CDH10: variants seen among roughly 807,000 people sequenced by gnomAD.
The protein encoded by CDH10 is cadherin-10.
In CDH10, 30 loss-of-function variants were observed where a neutral mutation model predicts 73.1. The ratio of observed to expected loss-of-function variants is 0.41; its 90% confidence interval spans 0.31 to 0.56. CDH10 has a LOEUF of 0.56. Ranked by LOEUF, CDH10 falls within the 20% of genes least tolerant of loss-of-function variation. The pLI is 0.27. For missense variants in CDH10, 815 were observed against 973.7 expected, an observed-to-expected ratio of 0.84 and a Z score of 2.17; for synonymous variants, 345 against 348.2, an observed-to-expected ratio of 0.99 and a Z score of 0.10.
chr5:24,543,768 C>T (rs1317890680), intron 2 of CDH10, among the ~76,000 whole-genome samples: 1 of 152,046 alleles, frequency 6.6e-6, no homozygotes, highest in Non-Finnish European at 1.5e-5. Flanking sequence ...ATGTCAAAGC[C>T]AGCAAACACA....
At chr5:24,522,951 G>A (rs1334368991) in intron 5 of CDH10, among the ~76,000 whole-genome samples, 2 of 152,148 alleles carry the variant, frequency 1.3e-5, no homozygotes, top group African/African-American at 4.8e-5. Flanking sequence ...GTGCTGTAGT[G>A]AGAGTGCTCG....
At chr5:24,615,412 T>C (rs181147071) in intron 1 of CDH10, among the ~76,000 whole-genome samples, 13 of 152,364 alleles carry the variant, frequency 8.5e-5, no homozygotes, top group Non-Finnish European at 2.9e-5. Context: ...GTGATTTTTA[T>C]AGTATTTAAC....
intron 5 of CDH10, 31 bp from the exon 6 acceptor site, chr5:24,511,545 C>CAT: frequency 1.7e-6 from 1 of 573,166 alleles, no homozygotes; most frequent in South Asian, 2.3e-5. Flanking sequence ...AAGAGAGAGA[C>CAT]AGAGAGAGAG....
chr5:24,610,260 G>C (rs1389277946), intron 1 of CDH10, among the ~76,000 whole-genome samples: 1 of 152,064 alleles, frequency 6.6e-6, no homozygotes, highest in Non-Finnish European at 1.5e-5. Flanking sequence ...TGACATAAAC[G>C]GGAAAATGAG....
intron 5 of CDH10, among the ~76,000 whole-genome samples, chr5:24,526,403 G>A (rs1256288873): frequency 6.6e-6 from 1 of 151,780 alleles, no homozygotes; most frequent in Non-Finnish European, 1.5e-5. Flanking sequence ...ATTTAGCCTA[G>A]CTGATATTTT....
chr5:24,553,724 G>A (rs1281815983), intron 2 of CDH10, among the ~76,000 whole-genome samples: 1 of 151,962 alleles, frequency 6.6e-6, no homozygotes, highest in Non-Finnish European at 1.5e-5. Flanking sequence ...ATAATCAGGA[G>A]GAAAAAGTCT....
intron 2 of CDH10, among the ~76,000 whole-genome samples, chr5:24,584,858 C>A (rs1236636133): frequency 1.4e-5 from 2 of 145,838 alleles, no homozygotes; most frequent in Non-Finnish European, 3.0e-5. Context: ...TTTTTTTTTT[C>A]CCCCCTGATA....
intron 11 of CDH10, among the ~76,000 whole-genome samples, chr5:24,490,581 G>C (rs886959313): frequency 3.3e-5 from 5 of 152,042 alleles, no homozygotes; most frequent in Admixed American, 3.3e-4. Flanking sequence ...TAAATGCTAT[G>C]ATAAAAGTAG....
chr5:24,595,787 A>T (rs1746351978), intron 1 of CDH10, among the ~76,000 whole-genome samples: 1 of 151,894 alleles, frequency 6.6e-6, no homozygotes, highest in Non-Finnish European at 1.5e-5. Flanking sequence ...CAATTCTATG[A>T]TGCATTGGTG....
At chr5:24,573,562 G>T (rs866967617) in intron 2 of CDH10, among the ~76,000 whole-genome samples, 1 of 151,440 alleles carries the variant, frequency 6.6e-6, no homozygotes, top group Non-Finnish European at 1.5e-5. Flanking sequence ...TTAGCCGAGC[G>T]TGGTGGCGGG....
intron 9 of CDH10, among the ~76,000 whole-genome samples, chr5:24,495,818 T>C (rs1360594471): frequency 1.4e-5 from 2 of 146,412 alleles, no homozygotes; most frequent in Non-Finnish European, 3.0e-5. Flanking sequence ...CGCCACTCAC[T>C]GCACTCCAGC....
intron 1 of CDH10, among the ~76,000 whole-genome samples, chr5:24,609,389 A>C (rs1746869297): frequency 6.6e-6 from 1 of 152,014 alleles, no homozygotes; most frequent in Non-Finnish European, 1.5e-5. Flanking sequence ...TGTCTAGGTA[A>C]ATGAGTAAGA....
At chr5:24,597,356 T>C (rs7718429) in intron 1 of CDH10, among the ~76,000 whole-genome samples, 20,548 of 152,132 alleles carry the variant, frequency 0.14, 1,756 homozygotes, top group African/African-American at 0.24. Flanking sequence ...GGCAAAGCTG[T>C]AGACCTCCCT....
At chr5:24,613,100 T>C (rs1202184051) in intron 1 of CDH10, 1 of 151,966 alleles carries the variant, frequency 6.6e-6, no homozygotes, top group Non-Finnish European at 1.5e-5. Flanking sequence ...AATAATGCAA[T>C]ATAGTGATTT....
At chr5:24,599,058 G>A (rs988697072) in intron 1 of CDH10, among the ~76,000 whole-genome samples, 2 of 152,068 alleles carry the variant, frequency 1.3e-5, no homozygotes, top group Admixed American at 6.6e-5. Flanking sequence ...GCTACTCTCT[G>A]AGCAACCTTT....
chr5:24,578,903 T>C (rs1280890676), intron 2 of CDH10, among the ~76,000 whole-genome samples: 2 of 152,088 alleles, frequency 1.3e-5, no homozygotes, highest in Non-Finnish European at 2.9e-5. Context: ...CAGGGAAATA[T>C]CTTGTATAAA....
At chr5:24,502,397 C>T (rs1742533923) in intron 8 of CDH10, among the ~76,000 whole-genome samples, 1 of 152,060 alleles carries the variant, frequency 6.6e-6, no homozygotes, top group Non-Finnish European at 1.5e-5. Context: ...GTAAGAAGTA[C>T]ATTTGAACGT....
intron 5 of CDH10, among the ~76,000 whole-genome samples, chr5:24,524,864 T>A (rs988454331): frequency 2.6e-5 from 4 of 152,120 alleles, no homozygotes; most frequent in African/African-American, 7.2e-5. Context: ...TCACACAACA[T>A]CTGCACTGGC....
At chr5:24,597,625 T>C (rs1057323616) in intron 1 of CDH10, among the ~76,000 whole-genome samples, 1 of 152,092 alleles carries the variant, frequency 6.6e-6, no homozygotes, top group Non-Finnish European at 1.5e-5. Flanking sequence ...TTTCTTTATA[T>C]GTTCATTTTA....
Sources: gnomAD v4.1 joint callset for allele counts (sites outside exome capture counted in the v4.1 genomes callset) on GRCh38, gnomAD v4.1.1 for gene constraint, MANE v1.5 for transcripts, NCBI Gene and HGNC (gene_info 2026-07-23, HGNC 2026-07-21) for gene names.